The following KRT72 variants were observed in gnomAD, a reference collection of about 807,000 sequenced individuals.
KRT72 encodes the protein keratin 72.
In KRT72, 44 loss-of-function variants were observed where a neutral mutation model predicts 44.7. That is an observed-to-expected ratio of 0.98 (90% CI 0.77 to 1.27). KRT72 has a LOEUF of 1.27. Among genes scored for constraint, KRT72 ranks in the 50% most tolerant of loss-of-function variants. KRT72 has a pLI of 0.00. For synonymous variants in KRT72, 302 were observed against 280.4 expected, an observed-to-expected ratio of 1.08 and a Z score of -0.77; for missense variants, 736 against 667.1, an observed-to-expected ratio of 1.10 and a Z score of -1.14.
intron 5 of KRT72, 44 bp from the exon 6 acceptor site, chr12:52,591,005 G>A: frequency 1.3e-6 from 2 of 1,525,010 alleles, no homozygotes; most frequent in Non-Finnish European, 1.8e-6. Flanking sequence ...GGATCCTACT[G>A]AACTAGGGCA....
rs1940446329 is a variant in KRT72 at position 52,601,336 on chromosome 12, C to G, written c.117G>C (p.Lys39Asn). The G allele has an allele frequency of 1.9e-6, 3 of 1,545,482 alleles. No homozygotes were observed. Among genetic ancestry groups the G allele is most frequent in the Non-Finnish European group, 2.6e-6 (3 of 1,146,888 alleles). ...SSSASFRARV[K>N]GSASFGSKSL... is the part of the protein sequence containing the mutation. ...TCTTGCTGCCAAAGGAGGCCGAGCC[C>G]TTGACCCGGGCCCGGAATGAGGCGG... Residue 39 changes from lysine to asparagine, a missense_variant, in exon 1 of 9, where the codon AAG becomes AAC. Physicochemically the swap from Lys to Asn is moderately conservative, Grantham distance 94. Coordinates refer to ENST00000293745, the MANE Select transcript of KRT72 (RefSeq NM_080747.3).
At chr12:52,602,178 G>T (rs1054581743), upstream of KRT72, among the ~76,000 whole-genome samples, 1 of 152,166 alleles carries the variant, frequency 6.6e-6, no homozygotes, top group African/African-American at 2.4e-5. Flanking sequence ...TGGGAGGGAG[G>T]GAAGAAGGCC....
At position 52,598,942 on chromosome 12, in the gene KRT72, C is replaced by T. The variant is rs749279213; in HGVS notation, c.597G>A (p.Ser199=). Residue 199 remains serine (S), a synonymous_variant, in exon 2 of 9, where the codon TCG becomes TCA. Coordinates refer to ENST00000293745, the MANE Select transcript of KRT72 (RefSeq NM_080747.3). ...MLSGDGVRLD[S]ELRNMQDLVE... ...CCAAATCCTGCATGTTCCTCAGCTC[C>T]GAATCCAGCCTCACCCCGTCCCCAG... The T allele has an allele frequency of 5.5e-5, 89 of 1,614,056 alleles. No homozygotes were observed. In the Admixed American group the frequency reaches 6.5e-4, roughly 12 times the overall value.
At chr12:52,599,906 G>T (rs1278040877) in intron 1 of KRT72, among the ~76,000 whole-genome samples, 12 of 85,838 alleles carry the variant, frequency 1.4e-4, no homozygotes, top group African/African-American at 7.0e-4. Context: ...AACAACAACA[G>T]AATCATGGGT....
chr12:52,587,939 G>A, intron 6 of KRT72, 88 bp from the exon 7 acceptor site: 3 of 1,276,704 alleles, frequency 2.3e-6, no homozygotes, highest in Non-Finnish European at 3.3e-6. Context: ...TGTCCTGACT[G>A]ATGGCAACTG....
At chr12:52,591,773 C>G (rs576169915) in intron 4 of KRT72, 145 bp from the exon 5 acceptor site, 4 of 758,908 alleles carry the variant, frequency 5.3e-6, no homozygotes, top group Admixed American at 5.6e-5. Flanking sequence ...CTGGCAGGCA[C>G]GTGAAGAAGT....
chr12:52,587,636 C>G lies in KRT72; in HGVS notation c.1305G>C (p.Glu435Asp). Residue 435 changes from glutamate (E) to aspartate (D), a missense_variant, in exon 7 of 9, where the codon GAG (glutamate) becomes GAC (aspartate). Physicochemically the swap from Glu to Asp is conservative, Grantham distance 45 (BLOSUM62 2). Coordinates refer to ENST00000293745, the MANE Select transcript of KRT72 (RefSeq NM_080747.3). ...AAGGGTATCCGGCCCCTCACCTGCA[C>G]TCCTCGCTCTCCAGCAGCTTGCGGT... ...ATYRKLLESE[E>D]CRMSGEYPNS... 6.2e-7 allele frequency: 1 copy of G among 1,614,208 alleles called. No individual in the cohort carries two copies. The highest frequency in any genetic ancestry group is 8.5e-7 in the Non-Finnish European group (1 of 1,180,032).
intron 7 of KRT72, 86 bp from the exon 8 acceptor site, chr12:52,587,066 C>T (rs1230999368): frequency 7.7e-7 from 1 of 1,293,630 alleles, no homozygotes; most frequent in Non-Finnish European, 1.1e-6. Context: ...TAAGCCTCTC[C>T]ACGCAGAATG....
rs144859142 is a variant in KRT72 at position 52,588,390 on chromosome 12, T to G, written c.1090-539A>C. ...CAACAGGCTTAGAAGATACCTTTAC[T>G]TAACTGGGAACGGAAAACCAAACAC... On this transcript the variant is annotated intron_variant, in intron 6 of 8. Transcript: ENST00000293745. Among the ~76,000 whole-genome samples, 452 of 152,296 alleles carry G rather than the reference T, an allele frequency of 3.0e-3. 2 individuals carry two copies. Among genetic ancestry groups the G allele is most frequent in the African/African-American group, 0.011 (437 of 41,548 alleles).
In KRT72 at chr12:52,590,864, C is replaced by A. The variant is rs576034572; in HGVS notation, c.1061G>T (p.Arg354Leu). 32 of 1,595,674 alleles carry A rather than the reference C, an allele frequency of 2.0e-5. No homozygotes were observed. In the South Asian group the frequency reaches 3.3e-4, roughly 16 times the overall value. ...CTTCTTCACATTCCCTATCTCTGAG[C>A]GGATCCTCTGGATCAGGCGGTTGAG... ...SELNRLIQRI[R>L]SEIGNVKKQC... The change falls in exon 6 of 9, where the codon CGC becomes CTC. Residue 354 changes from arginine (R) to leucine (L), a missense_variant. Arg to Leu is a moderately radical substitution (Grantham distance 102). Coordinates refer to ENST00000293745, the MANE Select transcript of KRT72 (RefSeq NM_080747.3).
At chr12:52,587,409 A>G (rs1182348220) in intron 7 of KRT72, among the ~76,000 whole-genome samples, 1 of 152,120 alleles carries the variant, frequency 6.6e-6, no homozygotes, top group Admixed American at 6.5e-5. Flanking sequence ...CTGTTTCTCA[A>G]ACATTGCCGG....
At chr12:52,601,527 C>A, upstream of KRT72, 1 of 1,461,888 alleles carries the variant, frequency 6.8e-7, no homozygotes, top group Non-Finnish European at 9.2e-7. Flanking sequence ...CGGCCCAGCT[C>A]GCCCCTTAAA....
At chr12:52,589,149 T>C (rs967777129) in intron 6 of KRT72, among the ~76,000 whole-genome samples, 1 of 152,200 alleles carries the variant, frequency 6.6e-6, no homozygotes, top group African/African-American at 2.4e-5. Context: ...AGCTAAGGTT[T>C]TGGTGGGAGC....
rs952522461 is a variant in KRT72, at chr12:52,586,218, C to T, written c.1346-46G>A. 6 of 1,537,084 alleles carry T rather than the reference C, an allele frequency of 3.9e-6. No homozygotes were observed. The African/African-American group carries it at 6.9e-5, about 18-fold the overall frequency. ...CCTCAGCCCCCGTCAGCTCTAGCCCCACGTCAGAGCCCCTTCTTGGGCATC... is the reference window on the plus strand; with the variant it reads ...CCTCAGCCCCCGTCAGCTCTAGCCCTACGTCAGAGCCCCTTCTTGGGCATC... On this transcript the variant is annotated intron_variant, in intron 8 of 8. Coordinates refer to ENST00000293745, the MANE Select transcript of KRT72 (RefSeq NM_080747.3).
At chr12:52,597,622 G>T (rs1940266796) in intron 2 of KRT72, among the ~76,000 whole-genome samples, 1 of 152,230 alleles carries the variant, frequency 6.6e-6, no homozygotes, top group East Asian at 1.9e-4. Flanking sequence ...TGAGGCAAAA[G>T]ACATGAAAAT....
intron 1 of KRT72, among the ~76,000 whole-genome samples, chr12:52,600,697 G>A (rs1471856173): frequency 6.6e-6 from 1 of 151,492 alleles, no homozygotes; most frequent in African/African-American, 2.4e-5. Flanking sequence ...GACCTCCCCA[G>A]CCATGGAGAA....
rs565954091 is a variant in KRT72 at position 52,593,090 on chromosome 12, G to T, written c.642-138C>A. The T allele has an allele frequency of 4.6e-6, 3 of 654,848 alleles. No individual in the cohort carries two copies. The Admixed American group carries it at 1.0e-4, about 22-fold the overall frequency. 40.6% of individuals were successfully genotyped at this position (654,848 alleles called of 1,614,324 possible). A position where few individuals can be genotyped will look rare whatever the true frequency, so the allele number is the denominator to read the frequency against. ...ATACCCCTGGGGCACACATAACCTT[G>T]CTTAAGAGGATGCAGGCAAGGACAT... On this transcript the variant is annotated intron_variant, in intron 2 of 8. Coordinates refer to ENST00000293745, the MANE Select transcript of KRT72 (RefSeq NM_080747.3).
chr12:52,589,373 A>G (rs2120730661), intron 6 of KRT72, among the ~76,000 whole-genome samples: 1 of 152,214 alleles, frequency 6.6e-6, no homozygotes, highest in African/African-American at 2.4e-5. Context: ...CCTTCTAACC[A>G]CAGAAAACCC....
Position 52,590,941 on chromosome 12 carries a change from T to A in KRT72, c.984A>T (p.Thr328=), listed in dbSNP as rs748077694. ...YQTKIQELQV[T]AGQHGDDLKL... is the part of the protein sequence containing the mutation. ...TGAGGTCATCCCCATGCTGGCCTGC[T>A]GTGACCTGCAGCTCCTGGATCTGAG... is the stretch of plus-strand genomic sequence containing the variant. The change falls in exon 6 of 9, where the codon ACA becomes ACT. Residue 328 remains threonine (T), a synonymous_variant. Coordinates refer to ENST00000293745, the MANE Select transcript of KRT72 (RefSeq NM_080747.3). 6.2e-7 allele frequency: 1 copy of A among 1,600,546 alleles called. No individual in the cohort carries two copies. Among genetic ancestry groups the A allele is most frequent in the Non-Finnish European group, 8.5e-7 (1 of 1,170,658 alleles).
Sources: allele counts gnomAD v4.1 joint callset (sites outside exome capture counted in the v4.1 genomes callset), GRCh38; gene constraint gnomAD v4.1.1; transcripts MANE v1.5; gene names NCBI Gene and HGNC (gene_info 2026-07-23, HGNC 2026-07-21).